Variants in MAP2K4 observed in about 807,000 individuals in gnomAD.
MAP2K4 encodes the protein mitogen-activated protein kinase kinase 4.
In MAP2K4, 4 loss-of-function variants were observed where a neutral mutation model predicts 48.5. The ratio of observed to expected loss-of-function variants is 0.08; its 90% CI spans 0.04 to 0.19. The LOEUF (loss-of-function observed/expected upper bound fraction) is 0.19. Ranked by LOEUF, MAP2K4 falls within the 10% of genes least tolerant of loss-of-function variation. The probability of loss-of-function intolerance (pLI) is 1.00; values close to 1 mark genes in which losing one functional copy is unlikely to be tolerated. For missense variants in MAP2K4, 258 were observed against 493.3 expected, an observed-to-expected ratio of 0.52 and a Z score of 4.52; for synonymous variants, 166 against 173.1, an observed-to-expected ratio of 0.96 and a Z score of 0.32.
intron 1 of MAP2K4, among the ~76,000 whole-genome samples, chr17:12,041,757 C>T (rs1969791408): frequency 6.6e-6 from 1 of 152,184 alleles, no homozygotes; most frequent in Non-Finnish European, 1.5e-5. Context: ...TTAAATCAAA[C>T]ATTTGAGCTT....
chr17:12,115,011 CTCAA>C (rs1361238173), intron 7 of MAP2K4, among the ~76,000 whole-genome samples: 1 of 152,140 alleles, frequency 6.6e-6, no homozygotes, highest in African/African-American at 2.4e-5. Flanking sequence ...TAGACAAGAA[CTCAA>C]TCAATGTTAA....
intron 1 of MAP2K4, among the ~76,000 whole-genome samples, chr17:12,037,353 T>TTTACAGAC (rs1969633924): frequency 6.6e-6 from 1 of 152,164 alleles, no homozygotes; most frequent in Admixed American, 6.5e-5. Flanking sequence ...AAGAAGTGTC[T>TTTACAGAC]GTAAATGATG....
intron 3 of MAP2K4, among the ~76,000 whole-genome samples, chr17:12,091,781 A>T (rs981325616): frequency 6.6e-6 from 1 of 151,908 alleles, no homozygotes; most frequent in East Asian, 1.9e-4. Context: ...ATTAAAAAAA[A>T]TTAACTTCAA....
chr17:12,025,820 A>G (rs1321102247), intron 1 of MAP2K4, among the ~76,000 whole-genome samples: 4 of 152,256 alleles, frequency 2.6e-5, no homozygotes, highest in African/African-American at 7.2e-5. Flanking sequence ...ATATTTGAAT[A>G]TAAAATGTAT....
chr17:12,030,110 G>C (rs1969385194), intron 1 of MAP2K4, among the ~76,000 whole-genome samples: 1 of 152,018 alleles, frequency 6.6e-6, no homozygotes, highest in South Asian at 2.1e-4. Flanking sequence ...TTGAGTATGA[G>C]CTAGTGGAGC....
At chr17:12,070,192 G>A (rs1970758595) in intron 2 of MAP2K4, among the ~76,000 whole-genome samples, 2 of 151,676 alleles carry the variant, frequency 1.3e-5, no homozygotes, top group Admixed American at 6.6e-5. Context: ...GTGGTTCTAG[G>A]CACAAGAAGA....
At chr17:12,080,581 A>G (rs1971157507) in intron 2 of MAP2K4, among the ~76,000 whole-genome samples, 1 of 152,128 alleles carries the variant, frequency 6.6e-6, no homozygotes, top group Non-Finnish European at 1.5e-5. Flanking sequence ...CGAGCCACTC[A>G]TTTTTTATCC....
rs550542202 is a variant in MAP2K4, at chr17:12,048,882, C to G, written c.116-6007C>G. Among the ~76,000 whole-genome samples, 145 of 152,190 alleles carry G rather than the reference C, an allele frequency of 9.5e-4. 1 individual carries two copies. Among genetic ancestry groups the G allele is most frequent in the Non-Finnish European group, 1.2e-3 (83 of 68,014 alleles). On this transcript the variant is annotated intron_variant, in intron 1 of 10. Coordinates refer to ENST00000353533, the MANE Select transcript of MAP2K4 (RefSeq NM_003010.4). ...ATGTTGGCCTGGCTGGTCTTGAACT[C>G]CTGACCTCAGGTGGTCCGTCCGCCT...
chr17:12,030,084 T>C (rs186832609), intron 1 of MAP2K4, among the ~76,000 whole-genome samples: 84 of 152,280 alleles, frequency 5.5e-4, no homozygotes, highest in African/African-American at 1.9e-3. Flanking sequence ...TTGTCCCCTT[T>C]GCCCATCCTT....
At chr17:12,117,827 G>A (rs1214829111) in intron 7 of MAP2K4, among the ~76,000 whole-genome samples, 1 of 152,144 alleles carries the variant, frequency 6.6e-6, no homozygotes, top group Non-Finnish European at 1.5e-5. Flanking sequence ...CACCATATAT[G>A]ACCTGAAGAA....
rs773517294 is a variant in MAP2K4 at position 12,081,987 on chromosome 17, T to TTACTCGGTCC, written c.393+459_393+468dup. The TTACTCGGTCC allele has an allele frequency of 3.8e-6, 2 of 531,518 alleles. No individual in the cohort carries two copies. Among genetic ancestry groups the TTACTCGGTCC allele is most frequent in the South Asian group, 2.8e-5 (2 of 70,452 alleles). The allele number at this position is 531,518 out of a possible 1,614,324, so 32.9% of individuals were successfully genotyped here. The stretch of plus-strand genomic sequence containing the variant: ...CATGCTGTTGCCACTAACCTCAACC[T>TTACTCGGTCC]TACTCGGTCCTGACCGGCTCGGCTT... On this transcript the variant is annotated intron_variant, in intron 3 of 10. Transcript: ENST00000353533. This position sits in a 1 kb window ranked among gnomAD's most constrained non-coding sequence, Gnocchi z 4.2.
rs34670472 is a variant in MAP2K4 at position 12,064,021 on chromosome 17, G to GGAGAGA, written c.218+9047_218+9052dup. Among the ~76,000 whole-genome samples the GGAGAGA allele has an allele frequency of 1.8e-4, 17 of 93,614 alleles. 1 individual carries two copies. Among genetic ancestry groups the GGAGAGA allele is most frequent in the East Asian group, 1.1e-3 (3 of 2,670 alleles). The allele number at this position is 93,614 out of a possible 152,430, so 61.4% of individuals were successfully genotyped here. On this transcript the variant is annotated intron_variant, in intron 2 of 10. Transcript: ENST00000353533. ...CAGGGAGGAGGAGAGGGGAAGGGGG[G>GGAGAGA]GAGAGAGAGAGAGAGAGAGAGAAAG...
chr17:12,098,549 T>C (rs569892025), intron 4 of MAP2K4, among the ~76,000 whole-genome samples: 2 of 151,998 alleles, frequency 1.3e-5, no homozygotes, highest in East Asian at 3.9e-4. Flanking sequence ...AATAAACAGA[T>C]TGAATAAGAC....
chr17:12,076,281 G>T (rs530655155), intron 2 of MAP2K4, among the ~76,000 whole-genome samples: 3 of 79,456 alleles, frequency 3.8e-5, no homozygotes, highest in Non-Finnish European at 7.9e-5. Context: ...TCACAGTTCT[G>T]TGTGTGTGTG....
At chr17:12,131,136 C>G (rs1973009463) in intron 9 of MAP2K4, among the ~76,000 whole-genome samples, 1 of 151,460 alleles carries the variant, frequency 6.6e-6, no homozygotes, top group Non-Finnish European at 1.5e-5. Context: ...CTGAGAGATA[C>G]TATTCTATAG....
At chr17:12,032,318 A>G in intron 1 of MAP2K4, 3 of 1,271,764 alleles carry the variant, frequency 2.4e-6, no homozygotes, top group Non-Finnish European at 3.1e-6. Flanking sequence ...AAATTTTATG[A>G]TATTATGCTA....
At chr17:12,093,086 T>A (rs186694653) in intron 3 of MAP2K4, among the ~76,000 whole-genome samples, 54 of 152,352 alleles carry the variant, frequency 3.5e-4, no homozygotes, top group African/African-American at 1.3e-3. Flanking sequence ...TACCAGCAGC[T>A]ACTTTTCTAC....
intron 7 of MAP2K4, among the ~76,000 whole-genome samples, chr17:12,120,162 A>T (rs1238023412): frequency 6.6e-6 from 1 of 152,018 alleles, no homozygotes; most frequent in Non-Finnish European, 1.5e-5. Flanking sequence ...GTAAAAGTTT[A>T]AAAAAAATAA....
chr17:12,071,395 G>A lies in MAP2K4; in HGVS notation c.219-9961G>A, dbSNP rs2151539977. On this transcript the variant is annotated intron_variant, in intron 2 of 10. Transcript: ENST00000353533. ...ATTAAACTCACATTTCAAAGGCAAGGTGATAGAGGCATAGTTGAATCATAG... is the reference window on the plus strand; with the variant it reads ...ATTAAACTCACATTTCAAAGGCAAGATGATAGAGGCATAGTTGAATCATAG... Among the ~76,000 whole-genome samples the A allele has an allele frequency of 2.0e-5, 3 of 152,236 alleles. 1 individual carries two copies. Among genetic ancestry groups the A allele is most frequent in the Admixed American group, 2.0e-4 (3 of 15,290 alleles).
Sources: allele counts gnomAD v4.1 joint callset (sites outside exome capture counted in the v4.1 genomes callset), GRCh38; gene constraint gnomAD v4.1.1; non-coding constraint Gnocchi (gnomAD v3.1); transcripts MANE v1.5; gene names NCBI Gene and HGNC (gene_info 2026-07-23, HGNC 2026-07-21).